Variants in MINDY3 observed in about 807,000 individuals in gnomAD.
MINDY3 encodes ubiquitin carboxyl-terminal hydrolase MINDY-3.
MINDY3 carries 38 observed loss-of-function variants against 69.2 expected under a neutral mutation model. The observed-to-expected ratio is 0.55, with a 90% CI of 0.42 to 0.72. MINDY3 has a LOEUF of 0.72. MINDY3 is among the 30% of genes least tolerant of loss of function. The probability of loss-of-function intolerance (pLI) is 0.00; values close to 1 mark genes in which losing one functional copy is unlikely to be tolerated. For missense variants in MINDY3, 522 were observed against 519.0 expected (o/e 1.01, Z -0.06); for synonymous variants, 192 against 180.1 (o/e 1.07, Z -0.53).
At chr10:15,793,323 C>A (rs1837562554) in intron 11 of MINDY3, among the ~76,000 whole-genome samples, 1 of 151,984 alleles carries the variant, frequency 6.6e-6, no homozygotes, top group African/African-American at 2.4e-5. Flanking sequence ...TTAAACTGAG[C>A]CAATTATCTA....
At chr10:15,791,368 A>G (rs374399428) in intron 11 of MINDY3, among the ~76,000 whole-genome samples, 1 of 152,036 alleles carries the variant, frequency 6.6e-6, no homozygotes, top group African/African-American at 2.4e-5. Context: ...ATAAGGAAAC[A>G]GAGGCACAAA....
chr10:15,808,941 T>C (rs890386926), intron 10 of MINDY3, among the ~76,000 whole-genome samples: 1 of 152,148 alleles, frequency 6.6e-6, no homozygotes, highest in Non-Finnish European at 1.5e-5. Context: ...TCACTCCACA[T>C]TGAGATTCAA....
At chr10:15,805,119 T>C (rs972443196) in intron 10 of MINDY3, among the ~76,000 whole-genome samples, 2 of 152,134 alleles carry the variant, frequency 1.3e-5, no homozygotes, top group African/African-American at 4.8e-5. Context: ...CATTAATGAG[T>C]GAGCTGCTGA....
intron 4 of MINDY3, among the ~76,000 whole-genome samples, chr10:15,839,859 C>T (rs1203800115): frequency 6.6e-6 from 1 of 151,452 alleles, no homozygotes; most frequent in Admixed American, 6.6e-5. Context: ...ACAAAGTAAA[C>T]TGGAAAAATT....
At chr10:15,789,158 A>AT in intron 12 of MINDY3, 89 bp downstream of exon 12, 1 of 976,032 alleles carries the variant, frequency 1.0e-6, no homozygotes, top group Non-Finnish European at 1.6e-6. Context: ...GCAGATATAG[A>AT]TTTTTAAAAA....
At chr10:15,860,109 C>CGG (rs1834990224) in intron 1 of MINDY3, 97 bp downstream of exon 1, 1 of 885,256 alleles carries the variant, frequency 1.1e-6, no homozygotes, top group South Asian at 1.5e-5. Context: ...GGGCAGAGAG[C>CGG]GGGGCACGCG....
chr10:15,813,980 A>G (rs1444324221), intron 10 of MINDY3, among the ~76,000 whole-genome samples: 3 of 145,602 alleles, frequency 2.1e-5, no homozygotes, highest in African/African-American at 7.5e-5. Context: ...CCAAAACTCA[A>G]AAAAAAAAAA....
At chr10:15,839,225 T>C (rs998751522) in intron 4 of MINDY3, among the ~76,000 whole-genome samples, 3 of 151,766 alleles carry the variant, frequency 2.0e-5, no homozygotes, top group Non-Finnish European at 3.0e-5. Context: ...TTATGCTAGC[T>C]TTCCAAAGCC....
chr10:15,821,615 C>A, intron 9 of MINDY3, 41 bp downstream of exon 9: 1 of 1,505,582 alleles, frequency 6.6e-7, no homozygotes, highest in Non-Finnish European at 9.2e-7. Context: ...TAGTGGACAT[C>A]TAAACAAAAA....
chr10:15,808,501 A>C (rs970364359), intron 10 of MINDY3, among the ~76,000 whole-genome samples: 3 of 152,262 alleles, frequency 2.0e-5, no homozygotes, highest in Non-Finnish European at 4.4e-5. Flanking sequence ...AGTTCACCGC[A>C]GTGTTTTTCC....
intron 12 of MINDY3, among the ~76,000 whole-genome samples, chr10:15,787,061 G>A (rs182826697): frequency 9.4e-4 from 143 of 152,194 alleles, no homozygotes; most frequent in Middle Eastern, 3.4e-3. Flanking sequence ...GGGTCAAAAG[G>A]CAGTGGTACA....
rs894930940 is a variant in MINDY3 at position 15,833,703 on chromosome 10, A to G, written c.657T>C (p.Ser219=). 47 of 1,603,850 alleles carry G rather than the reference A, an allele frequency of 2.9e-5. No homozygotes were observed. The highest frequency in any genetic ancestry group is 3.9e-5 in the Non-Finnish European group (46 of 1,171,172). Reference sequence around the variant, plus strand: ...GTCCCGTCAGCAGGAGATTAATTAAACTTTGGCTATTAATAAATATTAAAA... The same window carrying G: ...GTCCCGTCAGCAGGAGATTAATTAAGCTTTGGCTATTAATAAATATTAAAA... The part of the protein sequence containing the change: ...IDPVYGHGSQ[S]LINLLLTGHA... Residue 219 remains serine (S), a synonymous_variant, in exon 8 of 15, where the codon AGT becomes AGC. Transcript: ENST00000277632.
At chr10:15,834,460 C>A in intron 7 of MINDY3, 83 bp downstream of exon 7, 1 of 943,014 alleles carries the variant, frequency 1.1e-6, no homozygotes, top group Non-Finnish European at 1.7e-6. Context: ...AACAAAATTA[C>A]TTGACTCAGT....
intron 14 of MINDY3, among the ~76,000 whole-genome samples, chr10:15,781,688 C>T (rs1447663418): frequency 6.6e-6 from 1 of 152,108 alleles, no homozygotes; most frequent in African/African-American, 2.4e-5. Context: ...ATACAGACAA[C>T]ACTTCCTTCA....
chr10:15,839,130 T>C (rs1382976202), intron 4 of MINDY3, among the ~76,000 whole-genome samples: 2 of 151,842 alleles, frequency 1.3e-5, no homozygotes, highest in East Asian at 3.9e-4. Context: ...TACTATCAAA[T>C]ATAAATTCTC....
rs748441646 is a variant in MINDY3 at position 15,821,696 on chromosome 10, A to G, written c.761T>C (p.Val254Ala). The change falls in exon 9 of 15, where the codon GTA (valine) becomes GCA (alanine). Residue 254 changes from valine (V) to alanine (A), a missense_variant. Val to Ala is a moderately conservative substitution (Grantham distance 64, BLOSUM62 0). Transcript: ENST00000277632. ...KLLGIHEQAA[V>A]GFLTLMEALR... ...AGCTTCCATTAGTGTTAAAAATCCT[A>G]CTGCTGCTTGTTCATGTATACCAAG... The G allele has an allele frequency of 3.7e-6, 6 of 1,611,758 alleles. No individual in the cohort carries two copies. Among genetic ancestry groups the G allele is most frequent in the African/African-American group, 1.3e-5 (1 of 74,756 alleles).
intron 10 of MINDY3, among the ~76,000 whole-genome samples, chr10:15,800,433 TGTG>T (rs745700443): frequency 2.6e-5 from 4 of 152,118 alleles, no homozygotes; most frequent in Non-Finnish European, 5.9e-5. Flanking sequence ...CTGATGCTAT[TGTG>T]GTGAGCTTGT....
intron 1 of MINDY3, among the ~76,000 whole-genome samples, chr10:15,855,387 C>T (rs545454744): frequency 2.0e-5 from 3 of 152,190 alleles, no homozygotes; most frequent in East Asian, 3.9e-4. Flanking sequence ...CACAGCATTA[C>T]TTTTCTTCTC....
chr10:15,859,435 C>G (rs895855255), intron 1 of MINDY3, among the ~76,000 whole-genome samples: 1 of 152,114 alleles, frequency 6.6e-6, no homozygotes, highest in Non-Finnish European at 1.5e-5. Context: ...GTTTGCCTAT[C>G]CAAACTTAAG....
Sources: allele counts gnomAD v4.1 joint callset (sites outside exome capture counted in the v4.1 genomes callset), GRCh38; gene constraint gnomAD v4.1.1; transcripts MANE v1.5; gene names NCBI Gene and HGNC (gene_info 2026-07-23, HGNC 2026-07-21).